AFF3: variants seen among roughly 807,000 people sequenced by gnomAD.
AFF3 encodes ALF transcription elongation factor 3.
A neutral mutation model predicts 129.7 loss-of-function variants in AFF3; 32 were observed. That is an observed-to-expected ratio of 0.25 (90% CI 0.19 to 0.33). AFF3 has a LOEUF of 0.33. Among genes scored for constraint, AFF3 ranks in the 10% least tolerant of loss-of-function variants. The pLI, the probability that AFF3 is intolerant of heterozygous loss-of-function variation, is 1.00. For missense variants in AFF3, 1,373 were observed against 1,592.0 expected, an observed-to-expected ratio of 0.86 and a Z score of 2.34; for synonymous variants, 644 against 635.4, an observed-to-expected ratio of 1.01 and a Z score of -0.20.
In AFF3 at chr2:99,927,190, T is replaced by C. The variant is rs140017019; in HGVS notation, c.873+79442A>G. Among the ~76,000 whole-genome samples the C allele has an allele frequency of 2.4e-4, 37 of 152,256 alleles. 1 individual carries two copies. The highest frequency in any genetic ancestry group is 8.9e-4 in the African/African-American group (37 of 41,574). On this transcript the variant is annotated intron_variant, in intron 7 of 24. Coordinates refer to ENST00000672756, the MANE Select transcript of AFF3 (RefSeq NM_001386135.1). ...GCTTAGGAGATGAGCAATTAAACAA[T>C]TTTCCAAAGGTTTCTAAGTGAGTCA...
chr2:99,857,273 A>C (rs1178685644), intron 7 of AFF3, among the ~76,000 whole-genome samples: 2 of 152,236 alleles, frequency 1.3e-5, no homozygotes, highest in African/African-American at 4.8e-5. Flanking sequence ...CACAACAGAG[A>C]GAATCAGAAC....
Position 99,593,487 on chromosome 2 carries a change from G to A in AFF3, c.2174C>T (p.Ser725Phe). ...GTCACTGGTGGTCCTGGCGTTGATG[G>A]AGCCTACAGGGGCCCTAGGACCACT... ...GGSGPRAPVG[S>F]INARTTSDIA... The change falls in exon 15 of 25, where the codon TCC becomes TTC. Residue 725 changes from serine (S) to phenylalanine (F), a missense_variant. This residue lies in a region of AFF3 where 466 missense variants were observed against 505.0 expected (regional missense o/e 0.92). Coordinates refer to ENST00000672756, the MANE Select transcript of AFF3 (RefSeq NM_001386135.1). 1.2e-6 allele frequency: 2 copies of A among 1,613,784 alleles called. No individual in the cohort carries two copies. Among genetic ancestry groups the A allele is most frequent in the Non-Finnish European group, 1.7e-6 (2 of 1,179,988 alleles).
chr2:99,949,292 A>G (rs1675922303), intron 7 of AFF3, among the ~76,000 whole-genome samples: 1 of 152,176 alleles, frequency 6.6e-6, no homozygotes, highest in African/African-American at 2.4e-5. Context: ...AACTATTTCT[A>G]TCTCCTTAAG....
intron 7 of AFF3, among the ~76,000 whole-genome samples, chr2:99,945,472 G>T (rs922043178): frequency 1.3e-5 from 2 of 152,084 alleles, no homozygotes; most frequent in African/African-American, 4.8e-5. Flanking sequence ...GCATCCCAGG[G>T]GCTCCCACCC....
chr2:99,744,875 G>A (rs1370354561), intron 9 of AFF3, among the ~76,000 whole-genome samples: 1 of 152,164 alleles, frequency 6.6e-6, no homozygotes, highest in Non-Finnish European at 1.5e-5. Context: ...TCGAGTCCAT[G>A]TTTTCAATCC....
intron 4 of AFF3, among the ~76,000 whole-genome samples, chr2:100,080,954 G>A (rs1688997237): frequency 6.6e-6 from 1 of 152,260 alleles, no homozygotes; most frequent in East Asian, 1.9e-4. Flanking sequence ...AGAGGTCAAG[G>A]AAAAGCAAGG....
intron 4 of AFF3, among the ~76,000 whole-genome samples, chr2:100,074,337 C>T (rs979968784): frequency 3.3e-5 from 5 of 152,182 alleles, no homozygotes; most frequent in African/African-American, 7.2e-5. Context: ...GTTCTTGCCA[C>T]TCTCTGTGTT....
intron 7 of AFF3, among the ~76,000 whole-genome samples, chr2:99,861,860 T>G (rs992641593): frequency 6.6e-6 from 1 of 152,208 alleles, no homozygotes; most frequent in Non-Finnish European, 1.5e-5. Context: ...CTTTTCTTTA[T>G]AGTTTTACTA....
chr2:99,944,253 T>C (rs1246376348), intron 7 of AFF3, among the ~76,000 whole-genome samples: 1 of 152,216 alleles, frequency 6.6e-6, no homozygotes, highest in Non-Finnish European at 1.5e-5. Flanking sequence ...GTACGGCCTA[T>C]CTGCCTCACC....
chr2:100,009,841 C>T (rs1308737252), intron 4 of AFF3, among the ~76,000 whole-genome samples: 3 of 152,120 alleles, frequency 2.0e-5, no homozygotes, highest in African/African-American at 4.8e-5. Flanking sequence ...ATCTGGCCTC[C>T]GTGTAGACAA....
intron 4 of AFF3, among the ~76,000 whole-genome samples, chr2:100,037,694 T>A (rs1363126711): frequency 8.1e-6 from 1 of 123,510 alleles, no homozygotes; most frequent in Non-Finnish European, 1.6e-5. Flanking sequence ...ATATTTATAT[T>A]TTATATATTA....
chr2:99,785,958 A>G (rs1307601605), intron 8 of AFF3, among the ~76,000 whole-genome samples: 1 of 152,166 alleles, frequency 6.6e-6, no homozygotes, highest in African/African-American at 2.4e-5. Context: ...CATGTTGGCC[A>G]GGCTGGTCTC....
At chr2:100,107,101 A>T in intron 2 of AFF3, 1 of 985,390 alleles carries the variant, frequency 1.0e-6, no homozygotes, top group Non-Finnish European at 1.2e-6. Flanking sequence ...TAACATGGGG[A>T]TAGTTGGATT....
At chr2:99,986,061 CGTGGTG>C (rs1427496400) in intron 7 of AFF3, among the ~76,000 whole-genome samples, 1 of 151,614 alleles carries the variant, frequency 6.6e-6, no homozygotes, top group Non-Finnish European at 1.5e-5. Context: ...ATTAGTCAGG[CGTGGTG>C]GTGGGTGCCT....
intron 7 of AFF3, among the ~76,000 whole-genome samples, chr2:99,999,201 T>C (rs780896481): frequency 3.0e-4 from 46 of 152,376 alleles, no homozygotes; most frequent in South Asian, 8.3e-4. Flanking sequence ...CTCTATGATT[T>C]ATTTTATATG....
chr2:99,969,097 G>T (rs760727479), intron 7 of AFF3, among the ~76,000 whole-genome samples: 1 of 152,210 alleles, frequency 6.6e-6, no homozygotes, highest in African/African-American at 2.4e-5. Flanking sequence ...TGGAGTGTGG[G>T]AGCAGTTTTC....
At chr2:99,988,349 C>G (rs931743205) in intron 7 of AFF3, among the ~76,000 whole-genome samples, 5 of 152,116 alleles carry the variant, frequency 3.3e-5, no homozygotes, top group Non-Finnish European at 7.4e-5. Flanking sequence ...AGCATGGAGG[C>G]CTGCAAAGTG....
intron 7 of AFF3, among the ~76,000 whole-genome samples, chr2:99,983,322 T>C (rs1243166405): frequency 6.6e-6 from 1 of 152,208 alleles, no homozygotes; most frequent in African/African-American, 2.4e-5. Flanking sequence ...GTTTACAACA[T>C]TCCAATCCTT....
chr2:99,729,936 C>T (rs1031319261), intron 10 of AFF3, among the ~76,000 whole-genome samples: 4 of 151,344 alleles, frequency 2.6e-5, no homozygotes, highest in Non-Finnish European at 4.4e-5. Flanking sequence ...ATTTTACATG[C>T]GGAAATACAA....
Sources: allele counts gnomAD v4.1 joint callset (sites outside exome capture counted in the v4.1 genomes callset), GRCh38; gene constraint gnomAD v4.1.1; regional missense constraint gnomAD v4.1.1; transcripts MANE v1.5; gene names NCBI Gene and HGNC (gene_info 2026-07-23, HGNC 2026-07-21).